CPNE4: variants seen among roughly 807,000 people sequenced by gnomAD.
CPNE4 encodes copine 4.
CPNE4 carries 25 observed loss-of-function variants against 67.9 expected under a neutral mutation model. The ratio of observed to expected loss-of-function variants is 0.37; its 90% CI spans 0.27 to 0.51. CPNE4 has a LOEUF of 0.51. Among genes scored for constraint, CPNE4 ranks in the 20% least tolerant of loss-of-function variants. CPNE4 has a pLI of 0.93. For synonymous variants in CPNE4, 242 were observed against 244.9 expected (o/e 0.99, Z 0.11); for missense variants, 464 against 690.8 (o/e 0.67, Z 3.68).
intron 2 of CPNE4, among the ~76,000 whole-genome samples, chr3:131,806,951 C>A (rs536224777): frequency 5.1e-4 from 77 of 152,276 alleles, no homozygotes; most frequent in Admixed American, 2.4e-3. Flanking sequence ...TAAAGTGAAG[C>A]TTCTCTTATT....
chr3:131,956,190 A>G (rs1390557725), intron 1 of CPNE4, among the ~76,000 whole-genome samples: 1 of 152,190 alleles, frequency 6.6e-6, no homozygotes, highest in Non-Finnish European at 1.5e-5. Context: ...TACTGTCAGT[A>G]TCCGGTTTCA....
At chr3:131,746,885 C>G (rs1159351885) in intron 2 of CPNE4, among the ~76,000 whole-genome samples, 1 of 152,138 alleles carries the variant, frequency 6.6e-6, no homozygotes, top group Non-Finnish European at 1.5e-5. Flanking sequence ...TACATTCTCA[C>G]CAGCAGTGTA....
At chr3:131,846,132 CTA>C (rs1394973921) in intron 2 of CPNE4, among the ~76,000 whole-genome samples, 2 of 152,122 alleles carry the variant, frequency 1.3e-5, no homozygotes. Flanking sequence ...TGCCTATCTC[CTA>C]TATGTAAAAT....
intron 7 of CPNE4, among the ~76,000 whole-genome samples, chr3:131,655,660 G>A (rs984982316): frequency 6.6e-6 from 1 of 152,100 alleles, no homozygotes; most frequent in African/African-American, 2.4e-5. Flanking sequence ...CGGGGGGCAG[G>A]GGGGTGGAGA....
At chr3:131,863,947 A>G (rs1464754232) in intron 2 of CPNE4, among the ~76,000 whole-genome samples, 1 of 152,178 alleles carries the variant, frequency 6.6e-6, no homozygotes, top group African/African-American at 2.4e-5. Flanking sequence ...TCCCAGCACC[A>G]TTTATTAAAT....
intron 1 of CPNE4, among the ~76,000 whole-genome samples, chr3:131,937,532 G>A (rs928449756): frequency 2.0e-5 from 3 of 152,116 alleles, no homozygotes; most frequent in African/African-American, 7.2e-5. Flanking sequence ...GGACAATTAT[G>A]AGATGACTGA....
chr3:131,833,731 T>A (rs1037689707), intron 2 of CPNE4, among the ~76,000 whole-genome samples: 13 of 152,170 alleles, frequency 8.5e-5, no homozygotes, highest in Non-Finnish European at 1.5e-4. Flanking sequence ...TTGGACTGAC[T>A]TGCTCAAGGA....
At chr3:131,850,807 T>A (rs1011615502) in intron 2 of CPNE4, among the ~76,000 whole-genome samples, 2 of 152,034 alleles carry the variant, frequency 1.3e-5, no homozygotes, top group Non-Finnish European at 2.9e-5. Flanking sequence ...TTATCCCCAT[T>A]TTGTAGAGTG....
chr3:131,655,648 G>C (rs776120168), intron 7 of CPNE4, among the ~76,000 whole-genome samples: 1 of 152,082 alleles, frequency 6.6e-6, no homozygotes, highest in Non-Finnish European at 1.5e-5. Context: ...TGAAACCGAC[G>C]TCGGGGGGCA....
At chr3:131,841,415 A>G (rs976534585) in intron 2 of CPNE4, among the ~76,000 whole-genome samples, 2 of 152,216 alleles carry the variant, frequency 1.3e-5, no homozygotes, top group African/African-American at 4.8e-5. Flanking sequence ...GTGGCCTGTT[A>G]GGAACCAGGC....
At chr3:131,886,725 CA>C (rs1488548179) in intron 2 of CPNE4, among the ~76,000 whole-genome samples, 1 of 152,126 alleles carries the variant, frequency 6.6e-6, no homozygotes, top group Non-Finnish European at 1.5e-5. Flanking sequence ...GGAGTCAAAA[CA>C]GATCATTTTG....
intron 15 of CPNE4, among the ~76,000 whole-genome samples, chr3:131,538,016 G>GC (rs1935260518): frequency 6.6e-6 from 1 of 152,124 alleles, no homozygotes; most frequent in Non-Finnish European, 1.5e-5. Flanking sequence ...ATGAATAGAA[G>GC]CCCCATATTT....
At chr3:131,855,672 G>A (rs573816853) in intron 2 of CPNE4, among the ~76,000 whole-genome samples, 1 of 151,720 alleles carries the variant, frequency 6.6e-6, no homozygotes, top group African/African-American at 2.4e-5. Flanking sequence ...GATCGAAGTA[G>A]TTATTTGTTC....
chr3:131,654,372 T>C (rs1048672740), intron 7 of CPNE4, among the ~76,000 whole-genome samples: 1 of 151,910 alleles, frequency 6.6e-6, no homozygotes, highest in Non-Finnish European at 1.5e-5. Context: ...AGTACCAAAT[T>C]TTTTTTTAAT....
At chr3:132,025,116 C>T (rs2074089658) in intron 1 of CPNE4, among the ~76,000 whole-genome samples, 2 of 152,176 alleles carry the variant, frequency 1.3e-5, no homozygotes, top group Admixed American at 6.5e-5. Flanking sequence ...GACTCATCCT[C>T]AAGTTTGAGA....
chr3:131,708,979 T>TATATATATATATATAC, intron 3 of CPNE4, among the ~76,000 whole-genome samples: 1 of 95,278 alleles, frequency 1.0e-5, no homozygotes, highest in East Asian at 2.7e-4. Context: ...TATATATATA[T>TATATATATATATATAC]ATATATATAT....
intron 2 of CPNE4, among the ~76,000 whole-genome samples, chr3:131,876,268 A>G (rs1190914368): frequency 1.4e-5 from 2 of 144,246 alleles, no homozygotes; most frequent in Non-Finnish European, 2.9e-5. Flanking sequence ...ATAAATAAAT[A>G]AATAAATAAA....
At chr3:131,778,506 C>G (rs2083348513) in intron 2 of CPNE4, among the ~76,000 whole-genome samples, 1 of 152,080 alleles carries the variant, frequency 6.6e-6, no homozygotes, top group African/African-American at 2.4e-5. Flanking sequence ...ACAGGAAACA[C>G]ATGTAAAATA....
At chr3:131,903,951 T>C (rs2088647608) in intron 2 of CPNE4, among the ~76,000 whole-genome samples, 1 of 152,116 alleles carries the variant, frequency 6.6e-6, no homozygotes, top group Non-Finnish European at 1.5e-5. Context: ...ACTGGGTCCG[T>C]GATCAGTTAG....
Sources: allele counts gnomAD v4.1 joint callset (sites outside exome capture counted in the v4.1 genomes callset), GRCh38; gene constraint gnomAD v4.1.1; transcripts MANE v1.5; gene names NCBI Gene and HGNC (gene_info 2026-07-23, HGNC 2026-07-21).